XIRP2: variants seen among roughly 807,000 people sequenced by gnomAD.
The protein encoded by XIRP2 is xin actin-binding repeat-containing protein 2.
A neutral mutation model predicts 277.0 loss-of-function variants in XIRP2; 236 were observed. The ratio of observed to expected loss-of-function variants is 0.85; its 90% confidence interval spans 0.77 to 0.95. XIRP2 has a LOEUF of 0.95. Among genes scored for constraint, XIRP2 ranks in the 40% least tolerant of loss-of-function variants. The probability of loss-of-function intolerance (pLI) is 0.00; values close to 1 mark genes in which losing one functional copy is unlikely to be tolerated. For missense variants in XIRP2, 4,640 were observed against 4,157.5 expected (o/e 1.12, Z -3.19); for synonymous variants, 1,490 against 1,416.5 (o/e 1.05, Z -1.17).
intron 2 of XIRP2, among the ~76,000 whole-genome samples, chr2:166,909,825 C>T (rs1021053805): frequency 1.3e-5 from 2 of 152,170 alleles, no homozygotes; most frequent in African/African-American, 4.8e-5. Flanking sequence ...GCATGAAGTG[C>T]TGTTGAATTT....
intron 3 of XIRP2, among the ~76,000 whole-genome samples, chr2:167,171,823 C>A (rs1215377751): frequency 6.6e-6 from 1 of 152,218 alleles, no homozygotes; most frequent in Non-Finnish European, 1.5e-5. Flanking sequence ...ATATCCTACA[C>A]ACTCTTAACC....
chr2:166,947,164 CA>C (rs926243516), intron 2 of XIRP2, among the ~76,000 whole-genome samples: 2 of 151,608 alleles, frequency 1.3e-5, no homozygotes, highest in South Asian at 2.1e-4. Context: ...ATTATGTTTT[CA>C]AAAAAAAGGT....
At chr2:166,969,064 G>A (rs1686504222) in intron 2 of XIRP2, among the ~76,000 whole-genome samples, 1 of 151,984 alleles carries the variant, frequency 6.6e-6, no homozygotes, top group African/African-American at 2.4e-5. Context: ...GCTCTACCTT[G>A]CTCCGTGTAG....
intron 2 of XIRP2, among the ~76,000 whole-genome samples, chr2:166,966,146 A>C (rs576165043): frequency 1.2e-4 from 18 of 151,998 alleles, no homozygotes; most frequent in Admixed American, 9.2e-4. Context: ...TGAAAAATAA[A>C]AACAAAAATT....
At chr2:167,074,688 G>A (rs562277572) in intron 2 of XIRP2, among the ~76,000 whole-genome samples, 1 of 151,916 alleles carries the variant, frequency 6.6e-6, no homozygotes, top group South Asian at 2.1e-4. Context: ...TTCCCAGACT[G>A]GAGTGCAGTA....
rs139582969 is a variant in XIRP2 at position 167,242,307 on chromosome 2, G to A, written c.1177-262G>A. Among the ~76,000 whole-genome samples, 22 of 152,228 alleles carry A rather than the reference G, an allele frequency of 1.4e-4. No homozygotes were observed. The East Asian group carries it at 3.1e-3, about 21-fold the overall frequency. ...ACCACATTAAGGGAAAAAGAATCAC[G>A]ATTATGTGTAAATTTTAAAATATTG... On this transcript the variant is annotated intron_variant, in intron 8 of 10. Transcript: ENST00000409195.
In XIRP2 at chr2:167,243,436, A is replaced by G; in HGVS notation, c.2044A>G (p.Lys682Glu). The change falls in exon 9 of 11, where the codon AAG becomes GAG. Residue 682 changes from lysine (K) to glutamate (E), a missense_variant. Lys to Glu is a moderately conservative substitution (Grantham distance 56). Transcript: ENST00000409195. The part of the protein sequence containing the change: ...SQEESAVTIS[K>E]DITGGDVKTV... ...AGAAGAATCAGCGGTAACTATCAGT[A>G]AGGACATAACTGGGGGGGATGTCAA... is the stretch of plus-strand genomic sequence containing the variant. The G allele has an allele frequency of 6.2e-7, 1 of 1,614,102 alleles. No homozygotes were observed. Among genetic ancestry groups the G allele is most frequent in the East Asian group, 2.2e-5 (1 of 44,858 alleles).
At chr2:167,081,365 A>G (rs906278123) in intron 2 of XIRP2, among the ~76,000 whole-genome samples, 4 of 152,314 alleles carry the variant, frequency 2.6e-5, no homozygotes, top group African/African-American at 7.2e-5. Context: ...GAAGCAGAGA[A>G]GCAGAGGTGA....
intron 3 of XIRP2, among the ~76,000 whole-genome samples, chr2:167,201,344 A>AAGGAAAGAAG: frequency 9.7e-6 from 1 of 103,152 alleles, no homozygotes; most frequent in South Asian, 3.4e-4. Flanking sequence ...AAGGAAGGAA[A>AAGGAAAGAAG]GAAGGAAGGA....
In XIRP2 at chr2:167,259,210, A is replaced by G; in HGVS notation, c.*1393A>G. ...TTAAACCTTGGCATGTTGAAACAAC[A>G]GAAGCTGCCCGCAATAATGAAAACA... On this transcript the variant is annotated 3_prime_UTR_variant, in exon 11 of 11. Transcript: ENST00000409195. The G allele has an allele frequency of 1.2e-6, 2 of 1,613,524 alleles. No homozygotes were observed. Among genetic ancestry groups the G allele is most frequent in the Non-Finnish European group, 1.7e-6 (2 of 1,179,664 alleles).
chr2:167,188,787 G>A (rs1321233405), intron 3 of XIRP2, among the ~76,000 whole-genome samples: 2 of 152,194 alleles, frequency 1.3e-5, no homozygotes, highest in African/African-American at 2.4e-5. Flanking sequence ...AACTGTTTGG[G>A]AAAAATGCAG....
At chr2:167,077,303 G>A (rs561422742) in intron 2 of XIRP2, among the ~76,000 whole-genome samples, 51 of 152,080 alleles carry the variant, frequency 3.4e-4, no homozygotes, top group Non-Finnish European at 6.2e-4. Context: ...TTTAATGGAA[G>A]TATGTACTTA....
chr2:167,190,383 A>G (rs528401095), intron 3 of XIRP2, among the ~76,000 whole-genome samples: 1 of 150,840 alleles, frequency 6.6e-6, no homozygotes, highest in South Asian at 2.1e-4. Flanking sequence ...CCCCACCCCT[A>G]CCCCCCACTC....
At chr2:166,891,887 G>A (rs1466222519) in intron 1 of XIRP2, among the ~76,000 whole-genome samples, 2 of 152,122 alleles carry the variant, frequency 1.3e-5, no homozygotes, top group African/African-American at 4.8e-5. Context: ...GCTTTCTACA[G>A]TTGCAAGACT....
In XIRP2 at chr2:167,250,751, C is replaced by T. The variant is rs1033018791; in HGVS notation, c.9359C>T (p.Ser3120Leu). Residue 3120 changes from serine to leucine, a missense_variant, in exon 9 of 11, where the codon TCA (serine) becomes TTA (leucine). Coordinates refer to ENST00000409195, the MANE Select transcript of XIRP2 (RefSeq NM_152381.6). ...PPPSLKTRPP[S>L]PTFITIESTA... ...CCCTCTTTAAAAACACGCCCACCGT[C>T]ACCAACTTTTATCACAATAGAATCT... The T allele has an allele frequency of 1.2e-6, 2 of 1,613,426 alleles. No individual in the cohort carries two copies. The highest frequency in any genetic ancestry group is 1.6e-4 in the Middle Eastern group (1 of 6,080).
chr2:167,008,753 A>C (rs1299253291), intron 2 of XIRP2, among the ~76,000 whole-genome samples: 2 of 151,608 alleles, frequency 1.3e-5, no homozygotes, highest in African/African-American at 4.8e-5. Flanking sequence ...ACCTTTGTGC[A>C]TCCCAACTTT....
At position 167,259,568 on chromosome 2, in the gene XIRP2, C is replaced by A; in HGVS notation, c.*1751C>A. ...TTATTTACATCTACTTTTGTTTGAA[C>A]TGGAATGAAGAGATGAAACACTATG... On this transcript the variant is annotated 3_prime_UTR_variant, in exon 11 of 11. Coordinates refer to ENST00000409195, the MANE Select transcript of XIRP2 (RefSeq NM_152381.6). 2.0e-6 allele frequency: 1 copy of A among 512,348 alleles called. No individual in the cohort carries two copies. The highest frequency in any genetic ancestry group is 3.4e-6 in the Non-Finnish European group (1 of 293,128). 31.7% of individuals were successfully genotyped at this position (512,348 alleles called of 1,614,324 possible).
In XIRP2 at chr2:167,246,983, T is replaced by A. The variant is rs1287426209; in HGVS notation, c.5591T>A (p.Ile1864Lys). 5 of 1,613,548 alleles carry A rather than the reference T, an allele frequency of 3.1e-6. No individual in the cohort carries two copies. In the South Asian group the frequency reaches 5.5e-5, roughly 18 times the overall value. ...ACAGTGACGAAAACAGAAGAAATTATAAAAGGTAACATGCTAGCCACACTC... is the reference window on the plus strand; with the variant it reads ...ACAGTGACGAAAACAGAAGAAATTAAAAAAGGTAACATGCTAGCCACACTC... ...QKTVTKTEEI[I>K]KGNMLATLKS... The change falls in exon 9 of 11, where the codon ATA (isoleucine) becomes AAA (lysine). Residue 1864 changes from isoleucine (I) to lysine (K), a missense_variant. Ile to Lys is a moderately radical substitution (Grantham distance 102). Transcript: ENST00000409195.
chr2:167,213,439 G>GT (rs1191289709), intron 4 of XIRP2, among the ~76,000 whole-genome samples: 1 of 152,028 alleles, frequency 6.6e-6, no homozygotes, highest in African/African-American at 2.4e-5. Flanking sequence ...ACCAAGAACA[G>GT]TTTTTTTGTA....
Sources: gnomAD v4.1 joint callset for allele counts (sites outside exome capture counted in the v4.1 genomes callset) on GRCh38, gnomAD v4.1.1 for gene constraint, MANE v1.5 for transcripts, NCBI Gene and HGNC (gene_info 2026-07-23, HGNC 2026-07-21) for gene names.